The following DNAAF11 variants were observed in gnomAD, a reference collection of about 807,000 sequenced individuals.
DNAAF11 encodes leucine rich repeat containing 6.
Under a neutral mutation model 60.8 loss-of-function variants are expected in DNAAF11, and 45 were observed. The observed-to-expected ratio is 0.74, with a 90% CI of 0.58 to 0.95. DNAAF11 has a LOEUF of 0.95. DNAAF11 is among the 40% of genes least tolerant of loss of function. The probability of loss-of-function intolerance (pLI) is 0.00; values close to 1 mark genes in which losing one functional copy is unlikely to be tolerated. For synonymous variants in DNAAF11, 191 were observed against 183.5 expected, an observed-to-expected ratio of 1.04 and a Z score of -0.33; for missense variants, 546 against 546.2, an observed-to-expected ratio of 1.00 and a Z score of 0.00.
intron 3 of DNAAF11, among the ~76,000 whole-genome samples, chr8:132,641,635 G>A (rs566528473): frequency 6.6e-6 from 1 of 152,300 alleles, no homozygotes; most frequent in East Asian, 1.9e-4. Flanking sequence ...TAGTTAGTTG[G>A]CTCAGGTGAA....
upstream of DNAAF11, among the ~76,000 whole-genome samples, chr8:132,677,947 G>A (rs6981978): frequency 0.16 from 24,807 of 152,102 alleles, 5,682 homozygotes; most frequent in African/African-American, 0.52. Flanking sequence ...TGGAGCCCCT[G>A]TGACTCAATC....
intron 11 of DNAAF11, chr8:132,578,500 A>G: frequency 2.6e-6 from 4 of 1,530,266 alleles, no homozygotes; most frequent in Non-Finnish European, 3.5e-6. Context: ...CATCACCTCT[A>G]GAATCCAGTA....
chr8:132,645,501 G>A (rs1242913697), intron 3 of DNAAF11, among the ~76,000 whole-genome samples: 2 of 152,170 alleles, frequency 1.3e-5, no homozygotes, highest in Non-Finnish European at 2.9e-5. Flanking sequence ...TAGGCAAAGT[G>A]GAGAGAAGAA....
rs116556550 is a variant in DNAAF11, at chr8:132,614,173, G to A, written c.974+865C>T. Among the ~76,000 whole-genome samples the A allele has an allele frequency of 4.1e-3, 630 of 152,334 alleles. 2 individuals carry two copies. The highest frequency in any genetic ancestry group is 0.014 in the African/African-American group (596 of 41,584). Reference sequence around the variant, plus strand: ...GAGTGGAAGGAAGTGCTGGGCAGGGGTAGGTACTGCTTTATGTCAGATGGT... The same window carrying A: ...GAGTGGAAGGAAGTGCTGGGCAGGGATAGGTACTGCTTTATGTCAGATGGT... On this transcript the variant is annotated intron_variant, in intron 8 of 11. Coordinates refer to ENST00000620350, the MANE Select transcript of DNAAF11 (RefSeq NM_012472.6).
chr8:132,657,473 C>T lies in DNAAF11; in HGVS notation c.179-566G>A, dbSNP rs528514326. 1.4e-4 allele frequency among the ~76,000 whole-genome samples: 22 copies of T among 152,276 alleles called. No homozygotes were observed. In the South Asian group the frequency reaches 4.6e-3, roughly 32 times the overall value. On this transcript the variant is annotated intron_variant, in intron 2 of 11. Coordinates refer to ENST00000620350, the MANE Select transcript of DNAAF11 (RefSeq NM_012472.6). ...TGGTAGAGCAGAGAGAAGGAATCAA[C>T]CAACCCTGACTGACTCTGGAGTCTG... is the stretch of plus-strand genomic sequence containing the variant.
At chr8:132,667,386 A>G (rs920413436) in intron 1 of DNAAF11, among the ~76,000 whole-genome samples, 5 of 152,242 alleles carry the variant, frequency 3.3e-5, no homozygotes, top group African/African-American at 9.6e-5. Context: ...TCATTGGTCA[A>G]TAAATGTCAG....
chr8:132,679,498 G>C (rs540682054), upstream of DNAAF11, among the ~76,000 whole-genome samples: 1 of 152,270 alleles, frequency 6.6e-6, no homozygotes, highest in East Asian at 1.9e-4. Flanking sequence ...TCTTTTTCTT[G>C]GGACCTTTTC....
intron 10 of DNAAF11, among the ~76,000 whole-genome samples, chr8:132,599,278 A>T (rs954409077): frequency 6.6e-6 from 1 of 152,230 alleles, no homozygotes; most frequent in African/African-American, 2.4e-5. Flanking sequence ...TGAGGCAATA[A>T]TTAATAGCCT....
the DNAAF11 span, among the ~76,000 whole-genome samples, chr8:132,690,324 G>A: frequency 6.6e-6 from 1 of 152,112 alleles, no homozygotes. Context: ...GAGTTCTCAT[G>A]AGATCTGATG....
chr8:132,686,327 G>A, the DNAAF11 span, among the ~76,000 whole-genome samples: 1 of 152,172 alleles, frequency 6.6e-6, no homozygotes, highest in Non-Finnish European at 1.5e-5. Context: ...TGAGGCAGGG[G>A]AGCAGGGAGG....
rs143002252 is a variant in DNAAF11 at position 132,571,227 on chromosome 8, A to G, written c.*1079T>C. ...CACAGCTCTGAACACCACCTGACAT[A>G]GTCTGTGTGTATGTATTTGTCTGCT... On this transcript the variant is annotated 3_prime_UTR_variant, in exon 12 of 12. Transcript: ENST00000620350. Among the ~76,000 whole-genome samples, 3 of 152,246 alleles carry G rather than the reference A, an allele frequency of 2.0e-5. No homozygotes were observed. The highest frequency in any genetic ancestry group is 6.5e-5 in the Admixed American group (1 of 15,290).
the DNAAF11 span, among the ~76,000 whole-genome samples, chr8:132,698,585 C>T: frequency 4.6e-5 from 7 of 152,154 alleles, no homozygotes; most frequent in Non-Finnish European, 1.0e-4. Flanking sequence ...CCACCACATG[C>T]CATGCCACCT....
intron 7 of DNAAF11, among the ~76,000 whole-genome samples, chr8:132,618,058 T>C (rs2130154564): frequency 6.6e-6 from 1 of 150,954 alleles, no homozygotes; most frequent in African/African-American, 2.4e-5. Flanking sequence ...ACTACAAGGC[T>C]ACAGTAACCA....
chr8:132,582,971 A>AAGGG (rs1420758544), intron 11 of DNAAF11, among the ~76,000 whole-genome samples: 2 of 152,170 alleles, frequency 1.3e-5, no homozygotes, highest in African/African-American at 4.8e-5. Context: ...GTCATTGCTT[A>AAGGG]AGGGAGATTG....
chr8:132,622,163 AG>A (rs1272907015), intron 7 of DNAAF11, among the ~76,000 whole-genome samples: 1 of 152,166 alleles, frequency 6.6e-6, no homozygotes, highest in Non-Finnish European at 1.5e-5. Flanking sequence ...AAATTCATTG[AG>A]GGTATTATAT....
intron 2 of DNAAF11, among the ~76,000 whole-genome samples, chr8:132,660,706 C>T (rs1490106846): frequency 6.6e-6 from 1 of 152,172 alleles, no homozygotes; most frequent in African/African-American, 2.4e-5. Flanking sequence ...CATGCCCAGT[C>T]CTACCCTCTT....
At chr8:132,700,394 TG>T in the DNAAF11 span, among the ~76,000 whole-genome samples, 2 of 152,008 alleles carry the variant, frequency 1.3e-5, no homozygotes, top group Non-Finnish European at 2.9e-5. Context: ...GATTGAGAGC[TG>T]GGTGCAGCAG....
chr8:132,608,724 T>A (rs781772341), intron 10 of DNAAF11, among the ~76,000 whole-genome samples: 11 of 152,256 alleles, frequency 7.2e-5, no homozygotes, highest in Non-Finnish European at 1.6e-4. Context: ...AATTAACTTA[T>A]ATCTTAGATT....
intron 11 of DNAAF11, among the ~76,000 whole-genome samples, chr8:132,575,465 C>G (rs1814643850): frequency 6.6e-6 from 1 of 152,096 alleles, no homozygotes; most frequent in African/African-American, 2.4e-5. Context: ...GTAATCAGTG[C>G]TAGGAATTTA....
Sources: gnomAD v4.1 joint callset for allele counts (sites outside exome capture counted in the v4.1 genomes callset) on GRCh38, gnomAD v4.1.1 for gene constraint, MANE v1.5 for transcripts, NCBI Gene and HGNC (gene_info 2026-07-23, HGNC 2026-07-21) for gene names.